The following COPZ1 variants were observed in gnomAD, a reference collection of about 807,000 sequenced individuals.
COPZ1 encodes coatomer subunit zeta-1.
COPZ1 carries 4 observed loss-of-function variants against 31.7 expected under a neutral mutation model. That is an observed-to-expected ratio of 0.13 (90% confidence interval 0.06 to 0.29). The LOEUF (loss-of-function observed/expected upper bound fraction) is 0.29. Ranked by LOEUF, COPZ1 falls within the 10% of genes least tolerant of loss-of-function variation. COPZ1 has a pLI of 1.00. For missense variants in COPZ1, 156 were observed against 211.5 expected, an observed-to-expected ratio of 0.74 and a Z score of 1.63; for synonymous variants, 74 against 79.0, an observed-to-expected ratio of 0.94 and a Z score of 0.33.
intron 1 of COPZ1, among the ~76,000 whole-genome samples, chr12:54,330,230 A>C (rs1256016362): frequency 6.6e-6 from 1 of 152,212 alleles, no homozygotes; most frequent in Non-Finnish European, 1.5e-5. Flanking sequence ...CGGGGTGTCC[A>C]TCTGGGTTAT....
chr12:54,331,493 C>T (rs531020050), intron 1 of COPZ1, among the ~76,000 whole-genome samples: 1 of 152,160 alleles, frequency 6.6e-6, no homozygotes, highest in South Asian at 2.1e-4. Flanking sequence ...TTCTCACTCT[C>T]AATGCAGATA....
intron 1 of COPZ1, among the ~76,000 whole-genome samples, chr12:54,328,118 C>CAA (rs1244977220): frequency 6.8e-6 from 1 of 146,542 alleles, no homozygotes; most frequent in Non-Finnish European, 1.5e-5. Context: ...ACTAAAAATA[C>CAA]AAAAAAAAAT....
At chr12:54,345,419 GC>G in intron 4 of COPZ1, 40 bp from the exon 5 acceptor site, 1 of 1,531,330 alleles carries the variant, frequency 6.5e-7, no homozygotes, top group Non-Finnish European at 9.0e-7. Context: ...AGCTTTCAGG[GC>G]CTTGAACCTT....
chr12:54,345,638 G>A, intron 5 of COPZ1, 123 bp downstream of exon 5: 1 of 745,982 alleles, frequency 1.3e-6, no homozygotes, highest in Admixed American at 2.4e-5. Context: ...GATTGGCAAA[G>A]GCTCCAGGGA....
chr12:54,329,319 GC>G (rs375174858), intron 1 of COPZ1, among the ~76,000 whole-genome samples: 152 of 152,106 alleles, frequency 1.0e-3, no homozygotes, highest in African/African-American at 3.6e-3. Context: ...AATTACTCGG[GC>G]CGGGCTCGGT....
chr12:54,326,611 C>G (rs1051394163), intron 1 of COPZ1, among the ~76,000 whole-genome samples: 5 of 147,970 alleles, frequency 3.4e-5, no homozygotes, highest in African/African-American at 1.3e-4. Context: ...GAATTTCTCT[C>G]AAAAGTGCCC....
chr12:54,341,396 C>A (rs572992812), intron 2 of COPZ1, among the ~76,000 whole-genome samples: 155 of 152,330 alleles, frequency 1.0e-3, no homozygotes, highest in African/African-American at 3.6e-3. Context: ...TATTCTCCCC[C>A]TCCTGTAGAA....
chr12:54,340,522 T>C, intron 1 of COPZ1, 25 bp from the exon 2 acceptor site: 2 of 1,613,782 alleles, frequency 1.2e-6, no homozygotes, highest in Non-Finnish European at 8.5e-7. Context: ...GCTTCAGGAC[T>C]GAAGGTATGT....
rs149521480 is a variant in COPZ1 at position 54,331,622 on chromosome 12, G to T, written c.18+6441G>T. On this transcript the variant is annotated intron_variant, in intron 1 of 8. Coordinates refer to ENST00000262061, the MANE Select transcript of COPZ1 (RefSeq NM_016057.3). Reference sequence around the variant, plus strand: ...GAGGAGAATAGAGCAATTCTGCCTCGGGGTTGATTTGGGGGCATAAATAGA... The same window carrying T: ...GAGGAGAATAGAGCAATTCTGCCTCTGGGTTGATTTGGGGGCATAAATAGA... Among the ~76,000 whole-genome samples the T allele has an allele frequency of 6.6e-5, 10 of 152,176 alleles. No homozygotes were observed. In the East Asian group the frequency reaches 1.7e-3, roughly 26 times the overall value.
intron 8 of COPZ1, 176 bp from the exon 9 acceptor site, chr12:54,350,300 C>T (rs770841904): frequency 2.6e-6 from 2 of 763,110 alleles, no homozygotes; most frequent in South Asian, 2.7e-5. Context: ...TTGGAATTTT[C>T]CAAACAATCT....
At chr12:54,333,786 G>T (rs1953802970) in intron 1 of COPZ1, among the ~76,000 whole-genome samples, 1 of 152,178 alleles carries the variant, frequency 6.6e-6, no homozygotes, top group Non-Finnish European at 1.5e-5. Flanking sequence ...GATTGTAGGT[G>T]TCTCTTCCTG....
intron 1 of COPZ1, among the ~76,000 whole-genome samples, chr12:54,329,456 G>T (rs946028590): frequency 6.6e-6 from 1 of 152,032 alleles, no homozygotes; most frequent in African/African-American, 2.4e-5. Context: ...GGTGGCATGC[G>T]CTTGTAATCC....
chr12:54,339,675 C>T (rs1169888880), intron 1 of COPZ1, among the ~76,000 whole-genome samples: 1 of 152,100 alleles, frequency 6.6e-6, no homozygotes, highest in Non-Finnish European at 1.5e-5. Flanking sequence ...AACAGACCAC[C>T]ACAGGTTTTG....
chr12:54,330,072 T>G (rs1430381155), intron 1 of COPZ1, among the ~76,000 whole-genome samples: 1 of 152,164 alleles, frequency 6.6e-6, no homozygotes, highest in Non-Finnish European at 1.5e-5. Flanking sequence ...TGCTGGTGCC[T>G]GGCCCCCTCC....
At position 54,325,174 on chromosome 12, in the gene COPZ1, T is replaced by C. The variant is rs2137077419; in HGVS notation, c.11T>C (p.Leu4Pro). Residue 4 changes from leucine (L) to proline (P), a missense_variant, in exon 1 of 9, where the codon CTG becomes CCG. Coordinates refer to ENST00000262061, the MANE Select transcript of COPZ1 (RefSeq NM_016057.3). MEA[L>P]ILEPSLYTVK... ...CAGCTGCGGGGCAAGATGGAGGCGCTGATTTTGGTAGGAGCTGGAGGGGCA... is the reference window on the plus strand; with the variant it reads ...CAGCTGCGGGGCAAGATGGAGGCGCCGATTTTGGTAGGAGCTGGAGGGGCA... 2.6e-6 allele frequency: 4 copies of C among 1,561,040 alleles called. No individual in the cohort carries two copies. The South Asian group carries it at 3.5e-5, about 14-fold the overall frequency.
intron 1 of COPZ1, among the ~76,000 whole-genome samples, chr12:54,335,486 G>A (rs971628995): frequency 4.7e-5 from 7 of 150,514 alleles, no homozygotes; most frequent in East Asian, 2.0e-4. Flanking sequence ...TCAGCTCACC[G>A]CAACCTCTGC....
At chr12:54,337,111 C>T in intron 1 of COPZ1, 1 of 517,202 alleles carries the variant, frequency 1.9e-6, no homozygotes, top group East Asian at 5.6e-5. Flanking sequence ...TTTCACCTGT[C>T]TTGAGGACAG....
chr12:54,339,988 T>C (rs1184845258), intron 1 of COPZ1, among the ~76,000 whole-genome samples: 1 of 113,976 alleles, frequency 8.8e-6, no homozygotes, highest in Non-Finnish European at 1.9e-5. Flanking sequence ...TGCGTGTGTG[T>C]GTGTGTGTGT....
At chr12:54,330,380 C>T (rs1953729096) in intron 1 of COPZ1, among the ~76,000 whole-genome samples, 2 of 152,160 alleles carry the variant, frequency 1.3e-5, no homozygotes, top group Admixed American at 6.6e-5. Flanking sequence ...ACTAAAACCC[C>T]CAAAGAGCAA....
Sources: allele counts gnomAD v4.1 joint callset (sites outside exome capture counted in the v4.1 genomes callset), GRCh38; gene constraint gnomAD v4.1.1; transcripts MANE v1.5; gene names NCBI Gene and HGNC (gene_info 2026-07-23, HGNC 2026-07-21).